Variants in C9orf85 observed in about 807,000 individuals in gnomAD.
C9orf85 encodes the protein chromosome 9 open reading frame 85.
Under a neutral mutation model 14.9 loss-of-function variants are expected in C9orf85, and 16 were observed. The ratio of observed to expected loss-of-function variants is 1.08; its 90% CI spans 0.73 to 1.63. C9orf85 has a LOEUF of 1.63. C9orf85 is among the 40% of genes most tolerant of loss of function. The pLI is 0.00. For synonymous variants in C9orf85, 45 were observed against 56.8 expected (o/e 0.79, Z 0.93); for missense variants, 172 against 186.1 (o/e 0.92, Z 0.44).
At chr9:71,921,940 A>G (rs1173046269) in intron 1 of C9orf85, among the ~76,000 whole-genome samples, 10 of 139,608 alleles carry the variant, frequency 7.2e-5, no homozygotes, top group African/African-American at 2.7e-4. Flanking sequence ...TATTATTATT[A>G]TTATTATTAT....
downstream of C9orf85, among the ~76,000 whole-genome samples, chr9:71,977,909 C>T (rs1823034291): frequency 6.6e-6 from 1 of 152,044 alleles, no homozygotes; most frequent in South Asian, 2.1e-4. Flanking sequence ...ATCATACCTA[C>T]TGAAAAAAAT....
chr9:71,956,203 T>C (rs989742168), intron 2 of C9orf85, among the ~76,000 whole-genome samples: 1 of 151,782 alleles, frequency 6.6e-6, no homozygotes, highest in African/African-American at 2.4e-5. Context: ...CTAATAAGCA[T>C]TGGGTATCAC....
At chr9:71,977,502 A>G (rs914035986), downstream of C9orf85, among the ~76,000 whole-genome samples, 1 of 152,226 alleles carries the variant, frequency 6.6e-6, no homozygotes, top group Non-Finnish European at 1.5e-5. Flanking sequence ...TAAGACCTAA[A>G]TCTTATATAA....
At chr9:71,914,494 G>T (rs1007574248) in intron 1 of C9orf85, among the ~76,000 whole-genome samples, 1 of 152,084 alleles carries the variant, frequency 6.6e-6, no homozygotes, top group South Asian at 2.1e-4. Context: ...TTATGATTTG[G>T]TAGGGGTCCT....
intron 2 of C9orf85, among the ~76,000 whole-genome samples, chr9:71,968,770 AAG>A (rs1184169856): frequency 1.3e-5 from 2 of 152,178 alleles, no homozygotes; most frequent in Non-Finnish European, 2.9e-5. Context: ...CACCTGAACA[AAG>A]GAGGGGAAGG....
At chr9:71,948,812 CG>C (rs1184996390) in intron 2 of C9orf85, among the ~76,000 whole-genome samples, 19 of 97,582 alleles carry the variant, frequency 1.9e-4, no homozygotes, top group African/African-American at 4.5e-4. Context: ...GCGTGAGCCA[CG>C]CCCCCCCCCC....
intron 1 of C9orf85, among the ~76,000 whole-genome samples, chr9:71,936,970 G>C (rs1828206465): frequency 6.6e-6 from 1 of 151,942 alleles, no homozygotes; most frequent in African/African-American, 2.4e-5. Flanking sequence ...TGTTGCCCAG[G>C]CTGGTCTCAA....
intron 2 of C9orf85, among the ~76,000 whole-genome samples, chr9:71,947,733 T>G (rs1822136858): frequency 6.6e-6 from 1 of 152,100 alleles, no homozygotes; most frequent in African/African-American, 2.4e-5. Context: ...AACCTCTGCC[T>G]CCCAGGTTTA....
chr9:71,962,320 T>TG (rs1341772918), intron 2 of C9orf85, among the ~76,000 whole-genome samples: 3 of 152,226 alleles, frequency 2.0e-5, no homozygotes, highest in Admixed American at 6.5e-5. Flanking sequence ...ACTTAGAATT[T>TG]GGGGATATTG....
chr9:71,933,505 C>T (rs961044501), intron 1 of C9orf85, among the ~76,000 whole-genome samples: 2 of 152,164 alleles, frequency 1.3e-5, no homozygotes, highest in African/African-American at 4.8e-5. Context: ...TTTGTTTTTT[C>T]TAAGTTGAGA....
intron 1 of C9orf85, chr9:71,918,499 C>T: frequency 8.0e-7 from 1 of 1,247,504 alleles, no homozygotes; most frequent in Non-Finnish European, 1.1e-6. Context: ...CCCCCGACCC[C>T]CGCATCGGTC....
At chr9:71,974,401 A>G (rs763526503), downstream of C9orf85, among the ~76,000 whole-genome samples, 3 of 148,894 alleles carry the variant, frequency 2.0e-5, no homozygotes, top group Non-Finnish European at 4.5e-5. Flanking sequence ...GCACCACCAC[A>G]CCTGGGTAAT....
downstream of C9orf85, among the ~76,000 whole-genome samples, chr9:71,976,664 A>AC: frequency 6.6e-6 from 1 of 151,636 alleles, no homozygotes; most frequent in Admixed American, 6.6e-5. Context: ...TCCATCTCAA[A>AC]AAAAAAAAAA....
At chr9:71,972,363 G>A (rs1589274937) in intron 3 of C9orf85, among the ~76,000 whole-genome samples, 2 of 152,036 alleles carry the variant, frequency 1.3e-5, no homozygotes, top group South Asian at 4.2e-4. Flanking sequence ...AAGTTCAAGC[G>A]ATTCTCCTGC....
intron 1 of C9orf85, among the ~76,000 whole-genome samples, chr9:71,924,057 C>T (rs1185494491): frequency 6.6e-6 from 1 of 152,178 alleles, no homozygotes; most frequent in African/African-American, 2.4e-5. Flanking sequence ...AAAAGATCCT[C>T]TTAACTGTTT....
At chr9:71,920,082 C>T (rs984893924) in intron 1 of C9orf85, among the ~76,000 whole-genome samples, 1 of 152,140 alleles carries the variant, frequency 6.6e-6, no homozygotes, top group Non-Finnish European at 1.5e-5. Context: ...ATCTCTTGAC[C>T]TCGTGATCTG....
chr9:71,945,422 A>G (rs1822059844), intron 1 of C9orf85, among the ~76,000 whole-genome samples: 1 of 152,224 alleles, frequency 6.6e-6, no homozygotes, highest in South Asian at 2.1e-4. Context: ...CTCTCCATCT[A>G]TGTCCAGAAG....
downstream of C9orf85, among the ~76,000 whole-genome samples, chr9:71,974,379 G>T (rs1822964935): frequency 6.6e-6 from 1 of 151,536 alleles, no homozygotes; most frequent in Non-Finnish European, 1.5e-5. Context: ...TAGTAGCGGG[G>T]ACTGCAGGCC....
At chr9:71,967,804 G>A (rs1213903277) in intron 2 of C9orf85, among the ~76,000 whole-genome samples, 1 of 136,286 alleles carries the variant, frequency 7.3e-6, no homozygotes, top group East Asian at 2.2e-4. Context: ...AGATATTCTT[G>A]CCCTGTTTCT....
Sources: gnomAD v4.1 joint callset for allele counts (sites outside exome capture counted in the v4.1 genomes callset) on GRCh38, gnomAD v4.1.1 for gene constraint, MANE v1.5 for transcripts, NCBI Gene and HGNC (gene_info 2026-07-23, HGNC 2026-07-21) for gene names.